Variants in GPLD1 observed in about 807,000 individuals in gnomAD.
GPLD1 encodes glycosylphosphatidylinositol specific phospholipase D1, also known as phosphatidylinositol-glycan-specific phospholipase D.
Under a neutral mutation model 112.6 loss-of-function variants are expected in GPLD1, and 84 were observed. The ratio of observed to expected loss-of-function variants is 0.75; its 90% CI spans 0.63 to 0.89. The LOEUF is 0.89. Among genes scored for constraint, GPLD1 ranks in the 40% least tolerant of loss-of-function variants. The pLI, the probability that GPLD1 is intolerant of heterozygous loss-of-function variation, is 0.00. For missense variants in GPLD1, 1,044 were observed against 1,051.5 expected (o/e 0.99, Z 0.10); for synonymous variants, 386 against 403.8 (o/e 0.96, Z 0.53).
At chr6:24,473,102 GA>G (rs936849982) in intron 6 of GPLD1, 4 of 116,582 alleles carry the variant, frequency 3.4e-5, no homozygotes, top group African/African-American at 9.5e-5. Context: ...TTTTTTTTAA[GA>G]AAAAATTATC....
Position 24,486,133 on chromosome 6 carries a change from G to T in GPLD1, c.98-3C>A. ...AAGAAACTCCAGAGCTCTGTGTCCT[G>T]AGAGAAATAAATACATAAATCAATT... On this transcript the variant is annotated splice_region_variant and splice_polypyrimidine_tract_variant and intron_variant, in intron 1 of 24. Coordinates refer to ENST00000230036, the MANE Select transcript of GPLD1 (RefSeq NM_001503.4). 2 of 1,546,328 alleles carry T rather than the reference G, an allele frequency of 1.3e-6. No individual in the cohort carries two copies. The highest frequency in any genetic ancestry group is 1.1e-5 in the South Asian group (1 of 88,094).
exon 1 of GPLD1, chr6:24,495,026 T>C: frequency 7.4e-7 from 1 of 1,343,244 alleles, no homozygotes; most frequent in South Asian, 2.3e-5. Flanking sequence ...TGCGGAGCTG[T>C]GGGGCCCGGC....
chr6:24,462,494 A>C (rs1373771338), intron 11 of GPLD1, among the ~76,000 whole-genome samples: 1 of 152,154 alleles, frequency 6.6e-6, no homozygotes, highest in Non-Finnish European at 1.5e-5. Flanking sequence ...CCACCACTGC[A>C]TGTCATCCAC....
chr6:24,454,828 A>G (rs1041594829), intron 13 of GPLD1, among the ~76,000 whole-genome samples: 3 of 152,236 alleles, frequency 2.0e-5, no homozygotes, highest in African/African-American at 7.2e-5. Flanking sequence ...GCTTATCATC[A>G]CATAAAGAAC....
chr6:24,485,897 G>C (rs1393897616), intron 2 of GPLD1, among the ~76,000 whole-genome samples, 178 bp downstream of exon 2: 1 of 152,148 alleles, frequency 6.6e-6, no homozygotes, highest in Non-Finnish European at 1.5e-5. Context: ...TCGAACTCCT[G>C]ACCTCAAGTG....
chr6:24,476,882 C>T (rs1764037085), intron 3 of GPLD1, among the ~76,000 whole-genome samples: 1 of 152,084 alleles, frequency 6.6e-6, no homozygotes, highest in Admixed American at 6.6e-5. Context: ...GCTAAACCTC[C>T]AAGAGCCACA....
chr6:24,459,922 C>T (rs1763381756), intron 12 of GPLD1, among the ~76,000 whole-genome samples: 1 of 152,054 alleles, frequency 6.6e-6, no homozygotes, highest in African/African-American at 2.4e-5. Context: ...TATTTGCCGG[C>T]CTGGCACATG....
chr6:24,481,551 G>A (rs962628065), intron 2 of GPLD1, among the ~76,000 whole-genome samples: 3 of 152,058 alleles, frequency 2.0e-5, no homozygotes, highest in Non-Finnish European at 1.5e-5. Context: ...GCTCAGGTGG[G>A]GCTGACCAGA....
intron 2 of GPLD1, among the ~76,000 whole-genome samples, chr6:24,482,998 T>C (rs948887433): frequency 2.0e-4 from 31 of 152,156 alleles, no homozygotes; most frequent in African/African-American, 7.2e-4. Context: ...AGTATGATAC[T>C]GAAACCAAAA....
chr6:24,434,566 T>C (rs1462537931), intron 22 of GPLD1, among the ~76,000 whole-genome samples: 4 of 152,106 alleles, frequency 2.6e-5, no homozygotes, highest in Non-Finnish European at 1.5e-5. Flanking sequence ...TTGAATAAAC[T>C]TCCTCGCTGA....
chr6:24,475,177 C>A lies in GPLD1; in HGVS notation c.385G>T (p.Asp129Tyr). 1 of 1,613,358 alleles carries A rather than the reference C, an allele frequency of 6.2e-7. No individual in the cohort carries two copies. Among genetic ancestry groups the A allele is most frequent in the East Asian group, 2.2e-5 (1 of 44,878 alleles). Residue 129 changes from aspartate (D) to tyrosine (Y), a missense_variant, in exon 5 of 25, where the codon GAT (aspartate) becomes TAT (tyrosine). By Grantham distance (160) the Asp-to-Tyr change is radical (BLOSUM62 -3). Transcript: ENST00000230036. ...AGGCCCAGACTATGCCAGCTGACAT[C>A]TGCCGCCATGTGAGAAGTAATTCCA... ...LFGITSHMAA[D>Y]VSWHSLGLEQ...
At chr6:24,472,767 G>T in intron 6 of GPLD1, 131 bp from the exon 7 acceptor site, 1 of 624,226 alleles carries the variant, frequency 1.6e-6, no homozygotes. Context: ...CATTGTTTTA[G>T]GTAAAGGCAT....
At chr6:24,467,118 G>T in intron 8 of GPLD1, 49 bp downstream of exon 8, 2 of 1,190,106 alleles carry the variant, frequency 1.7e-6, no homozygotes, top group Non-Finnish European at 2.5e-6. Context: ...ACTGTGCAAA[G>T]GAAGTCACAA....
In GPLD1 at chr6:24,475,174, C is replaced by G; in HGVS notation, c.388G>C (p.Val130Leu). Residue 130 changes from valine (V) to leucine (L), a missense_variant, in exon 5 of 25, where the codon GTC becomes CTC. Val to Leu is a conservative substitution (Grantham distance 32). Coordinates refer to ENST00000230036, the MANE Select transcript of GPLD1 (RefSeq NM_001503.4). ...TCAAGGCCCAGACTATGCCAGCTGA[C>G]ATCTGCCGCCATGTGAGAAGTAATT... ...FGITSHMAADVSWHSLGLEQG... is the reference protein window; with the variant it reads ...FGITSHMAADLSWHSLGLEQG... The G allele has an allele frequency of 6.2e-7, 1 of 1,613,098 alleles. No individual in the cohort carries two copies. The highest frequency in any genetic ancestry group is 8.5e-7 in the Non-Finnish European group (1 of 1,179,054).
upstream of GPLD1, among the ~76,000 whole-genome samples, chr6:24,491,282 C>T (rs990871843): frequency 6.6e-6 from 1 of 152,188 alleles, no homozygotes; most frequent in Non-Finnish European, 1.5e-5. Context: ...TTAATTGGGA[C>T]TTTGGATATT....
Position 24,437,296 on chromosome 6 carries a change from C to A in GPLD1, c.2021-7G>T, listed in dbSNP as rs2295649. 9 of 1,611,380 alleles carry A rather than the reference C, an allele frequency of 5.6e-6. No individual in the cohort carries two copies. The highest frequency in any genetic ancestry group is 7.6e-6 in the Non-Finnish European group (9 of 1,178,668). ...GCCACCTTAGACACGTCATCTGAAA[C>A]GAACCACAGTTCCTGCTGGCCTCAC... is the stretch of plus-strand genomic sequence containing the variant. On this transcript the variant is annotated splice_polypyrimidine_tract_variant and splice_region_variant and intron_variant, in intron 20 of 24. Transcript: ENST00000230036.
Position 24,449,885 on chromosome 6 carries a change from A to G in GPLD1, c.1350T>C (p.Phe450=), listed in dbSNP as rs1207729243. 6.2e-7 allele frequency: 1 copy of G among 1,613,496 alleles called. No individual in the cohort carries two copies. Among genetic ancestry groups the G allele is most frequent in the Non-Finnish European group, 8.5e-7 (1 of 1,179,686 alleles). Reference sequence around the variant, plus strand: ...AGTCCAACACAGCCAAGGCCGAGCCAAACCGACCTGAGGGCTGAAGAGGCA... The same window carrying G: ...AGTCCAACACAGCCAAGGCCGAGCCGAACCGACCTGAGGGCTGAAGAGGCA... ...ILEGFQPSGR[F]GSALAVLDFN... Residue 450 remains phenylalanine, a synonymous_variant, in exon 15 of 25, where the codon TTT becomes TTC. Transcript: ENST00000230036.
intron 4 of GPLD1, 51 bp downstream of exon 4, chr6:24,476,130 G>C: frequency 2.0e-6 from 2 of 982,846 alleles, no homozygotes; most frequent in Non-Finnish European, 3.2e-6. Context: ...CAAACACAGT[G>C]CATGGCAGGT....
upstream of GPLD1, chr6:24,495,274 G>GCGGGGTGCGAGAGGCC: frequency 1.3e-6 from 2 of 1,532,740 alleles, no homozygotes; most frequent in South Asian, 2.4e-5. Context: ...GTAGCCGACT[G>GCGGGGTGCGAGAGGCC]CGGGGTGCGA....
Sources: gnomAD v4.1 joint callset for allele counts (sites outside exome capture counted in the v4.1 genomes callset) on GRCh38, gnomAD v4.1.1 for gene constraint, MANE v1.5 for transcripts, NCBI Gene and HGNC (gene_info 2026-07-23, HGNC 2026-07-21) for gene names.